The following UNC13C variants were observed in gnomAD, a reference collection of about 807,000 sequenced individuals.
UNC13C encodes protein unc-13 homolog C.
Under a neutral mutation model 245.4 loss-of-function variants are expected in UNC13C, and 174 were observed. That is an observed-to-expected ratio of 0.71 (90% CI 0.63 to 0.80). The LOEUF (loss-of-function observed/expected upper bound fraction) is 0.80. UNC13C is among the 30% of genes least tolerant of loss of function. The pLI, the probability that UNC13C is intolerant of heterozygous loss-of-function variation, is 0.00. For missense variants in UNC13C, 2,829 were observed against 2,602.9 expected (o/e 1.09, Z -1.89); for synonymous variants, 992 against 895.1 (o/e 1.11, Z -1.93).
chr15:53,925,279 T>C, the UNC13C span, among the ~76,000 whole-genome samples: 1 of 152,194 alleles, frequency 6.6e-6, no homozygotes, highest in African/African-American at 2.4e-5. Context: ...AAAGAAAGTA[T>C]ACATCTTTTC....
At chr15:53,991,945 C>T (rs1595686855) in intron 1 of UNC13C, among the ~76,000 whole-genome samples, 1 of 152,012 alleles carries the variant, frequency 6.6e-6, no homozygotes, top group Non-Finnish European at 1.5e-5. Flanking sequence ...TGTGTACTCC[C>T]ATGGAATATT....
rs1462468721 is a variant in UNC13C, at chr15:54,060,915, A to G, written c.2983+45029A>G. ...TCTCACTCATAGGTGGGAATTGATC[A>G]AAGAGAACACATGGACACAGGAAGG... On this transcript the variant is annotated intron_variant, in intron 2 of 32. Transcript: ENST00000260323. Among the ~76,000 whole-genome samples, 4 of 152,150 alleles carry G rather than the reference A, an allele frequency of 2.6e-5. No individual in the cohort carries two copies. The East Asian group carries it at 5.8e-4, about 22-fold the overall frequency.
At chr15:54,194,728 G>T (rs1396736602) in intron 4 of UNC13C, among the ~76,000 whole-genome samples, 1 of 152,108 alleles carries the variant, frequency 6.6e-6, no homozygotes, top group Non-Finnish European at 1.5e-5. Context: ...ACCACTAGGA[G>T]TATAAGAAAG....
chr15:54,444,217 C>T (rs1273465113), intron 19 of UNC13C, among the ~76,000 whole-genome samples: 2 of 151,388 alleles, frequency 1.3e-5, no homozygotes, highest in Non-Finnish European at 2.9e-5. Flanking sequence ...TATGACTTCT[C>T]CTGCTCAATT....
At chr15:54,170,085 C>G (rs1315055651) in intron 4 of UNC13C, among the ~76,000 whole-genome samples, 1 of 146,342 alleles carries the variant, frequency 6.8e-6, no homozygotes, top group Non-Finnish European at 1.5e-5. Flanking sequence ...ATTATTTAAA[C>G]ATTGAATGCT....
chr15:54,379,881 T>C (rs1414480064), intron 17 of UNC13C, among the ~76,000 whole-genome samples: 1 of 152,184 alleles, frequency 6.6e-6, no homozygotes, highest in Non-Finnish European at 1.5e-5. Context: ...AAATTGAATG[T>C]ATTTATCATG....
intron 4 of UNC13C, among the ~76,000 whole-genome samples, chr15:54,234,306 A>G (rs1429637634): frequency 2.6e-5 from 4 of 151,864 alleles, no homozygotes; most frequent in Non-Finnish European, 5.9e-5. Flanking sequence ...TTTTTTCACT[A>G]AACATCTTAT....
chr15:53,873,100 T>A, the UNC13C span, among the ~76,000 whole-genome samples: 1 of 151,362 alleles, frequency 6.6e-6, no homozygotes, highest in Non-Finnish European at 1.5e-5. Context: ...CTATAGATCC[T>A]TTGGTGTGTT....
chr15:54,111,943 C>G (rs928989977), intron 2 of UNC13C, among the ~76,000 whole-genome samples: 2 of 152,064 alleles, frequency 1.3e-5, no homozygotes, highest in Non-Finnish European at 2.9e-5. Flanking sequence ...TATAGAGAAC[C>G]TTTTGCCACA....
intron 17 of UNC13C, among the ~76,000 whole-genome samples, chr15:54,369,202 A>ACCC (rs1567220291): frequency 1.3e-4 from 11 of 86,652 alleles, no homozygotes; most frequent in African/African-American, 4.8e-4. Context: ...CCCCCCCCCA[A>ACCC]AAAAAAAAGT....
At chr15:53,879,930 T>A in the UNC13C span, among the ~76,000 whole-genome samples, 3 of 151,334 alleles carry the variant, frequency 2.0e-5, no homozygotes, top group Non-Finnish European at 4.4e-5. Flanking sequence ...TGGAAAAAAA[T>A]TTATCATGCT....
intron 26 of UNC13C, among the ~76,000 whole-genome samples, chr15:54,540,817 T>A (rs1596538339): frequency 6.6e-6 from 1 of 152,110 alleles, no homozygotes; most frequent in Non-Finnish European, 1.5e-5. Context: ...CTAAGCAGGG[T>A]TAGTCAGCAT....
intron 24 of UNC13C, among the ~76,000 whole-genome samples, chr15:54,523,520 T>A (rs1895315760): frequency 6.6e-6 from 1 of 152,214 alleles, no homozygotes; most frequent in Admixed American, 6.5e-5. Flanking sequence ...TTTTAGGTTG[T>A]CAACTAATAA....
At chr15:54,241,816 C>T (rs568319305) in intron 7 of UNC13C, among the ~76,000 whole-genome samples, 86 of 152,268 alleles carry the variant, frequency 5.6e-4, no homozygotes, top group African/African-American at 1.8e-3. Flanking sequence ...TCTAATGCCT[C>T]CCTGCCCTCT....
intron 19 of UNC13C, among the ~76,000 whole-genome samples, chr15:54,460,252 T>A (rs1435082161): frequency 6.6e-6 from 1 of 152,226 alleles, no homozygotes; most frequent in Non-Finnish European, 1.5e-5. Flanking sequence ...TCCATCTTCA[T>A]GTCTCCCAGC....
chr15:54,168,279 A>C (rs1595938293), intron 4 of UNC13C, among the ~76,000 whole-genome samples: 1 of 152,206 alleles, frequency 6.6e-6, no homozygotes, highest in Non-Finnish European at 1.5e-5. Context: ...GCTATTCTAA[A>C]AAAATATCAC....
At chr15:54,488,541 G>A (rs985425133) in intron 19 of UNC13C, among the ~76,000 whole-genome samples, 4 of 152,092 alleles carry the variant, frequency 2.6e-5, no homozygotes, top group Admixed American at 6.5e-5. Context: ...CATGAGAATA[G>A]GTCAAGAATA....
the UNC13C span, among the ~76,000 whole-genome samples, chr15:53,870,559 C>G: frequency 6.6e-6 from 1 of 151,982 alleles, no homozygotes; most frequent in African/African-American, 2.4e-5. Flanking sequence ...CTGCTTGTAC[C>G]TGGATATAAG....
At chr15:54,284,846 A>G (rs889970152) in intron 10 of UNC13C, among the ~76,000 whole-genome samples, 2 of 152,066 alleles carry the variant, frequency 1.3e-5, no homozygotes, top group Admixed American at 6.6e-5. Context: ...TTATTATTCA[A>G]CTGTTTTAAT....
Sources: allele counts gnomAD v4.1 joint callset (sites outside exome capture counted in the v4.1 genomes callset), GRCh38; gene constraint gnomAD v4.1.1; transcripts MANE v1.5; gene names NCBI Gene and HGNC (gene_info 2026-07-23, HGNC 2026-07-21).